COG5: variants seen among roughly 807,000 people sequenced by gnomAD.
The protein encoded by COG5 is conserved oligomeric Golgi complex subunit 5.
A neutral mutation model predicts 110.4 loss-of-function variants in COG5; 86 were observed. The observed-to-expected ratio is 0.78, with a 90% CI of 0.65 to 0.93. COG5 has a LOEUF of 0.93. COG5 is among the 40% of genes least tolerant of loss of function. COG5 has a pLI of 0.00. For missense variants in COG5, 1,077 were observed against 987.0 expected, an observed-to-expected ratio of 1.09 and a Z score of -1.22; for synonymous variants, 360 against 334.6, an observed-to-expected ratio of 1.08 and a Z score of -0.83.
chr7:107,349,417 G>T (rs78743954), intron 10 of COG5, among the ~76,000 whole-genome samples: 2 of 150,624 alleles, frequency 1.3e-5, no homozygotes. Flanking sequence ...TTTTTTTTTT[G>T]AGGCGGAGTC....
chr7:107,457,502 C>T (rs144289698), intron 6 of COG5, among the ~76,000 whole-genome samples: 2,764 of 152,176 alleles, frequency 0.018, 81 homozygotes, highest in African/African-American at 0.062. Context: ...AATCTCAGCT[C>T]ACTGCAAGCG....
At chr7:107,457,360 G>GAA (rs1491182439) in intron 6 of COG5, among the ~76,000 whole-genome samples, 1 of 133,568 alleles carries the variant, frequency 7.5e-6, no homozygotes, top group African/African-American at 2.8e-5. Flanking sequence ...AAGCTATGAG[G>GAA]AGAAAAAAAA....
intron 6 of COG5, among the ~76,000 whole-genome samples, chr7:107,511,258 T>C (rs1474733516): frequency 6.6e-6 from 1 of 152,156 alleles, no homozygotes; most frequent in African/African-American, 2.4e-5. Flanking sequence ...CACAGAATAC[T>C]ACAAACACCT....
At chr7:107,236,405 T>C in intron 18 of COG5, 45 bp downstream of exon 18, 6 of 1,366,534 alleles carry the variant, frequency 4.4e-6, no homozygotes, top group Non-Finnish European at 5.2e-6. Context: ...ATAGATGATA[T>C]TGAGGCCAAA....
At chr7:107,293,798 T>G (rs530898370) in intron 12 of COG5, among the ~76,000 whole-genome samples, 22 of 152,168 alleles carry the variant, frequency 1.4e-4, no homozygotes, top group African/African-American at 5.3e-4. Flanking sequence ...GATGGCAGGG[T>G]GCGGTGACTC....
intron 10 of COG5, among the ~76,000 whole-genome samples, chr7:107,330,355 A>C (rs1810133608): frequency 6.6e-6 from 1 of 152,252 alleles, no homozygotes; most frequent in African/African-American, 2.4e-5. Context: ...CAAAAGTAAA[A>C]TATACAAAAA....
At chr7:107,225,872 G>A (rs1209438791) in intron 19 of COG5, among the ~76,000 whole-genome samples, 9 of 151,978 alleles carry the variant, frequency 5.9e-5, no homozygotes, top group African/African-American at 1.7e-4. Flanking sequence ...GTGAAACCCC[G>A]TCTCTACTAA....
intron 19 of COG5, among the ~76,000 whole-genome samples, chr7:107,212,972 A>G (rs1452976898): frequency 6.6e-6 from 1 of 152,174 alleles, no homozygotes; most frequent in African/African-American, 2.4e-5. Context: ...AGTTGCTTTG[A>G]AGGAAGCCCA....
At chr7:107,218,158 A>T (rs1377892933) in intron 19 of COG5, among the ~76,000 whole-genome samples, 1 of 152,102 alleles carries the variant, frequency 6.6e-6, no homozygotes, top group East Asian at 1.9e-4. Context: ...TGGAAGTGAA[A>T]GATTTGTACA....
At chr7:107,321,101 T>C (rs1332940391) in intron 11 of COG5, among the ~76,000 whole-genome samples, 1 of 152,078 alleles carries the variant, frequency 6.6e-6, no homozygotes, top group African/African-American at 2.4e-5. Flanking sequence ...CAATAACTAC[T>C]AGAATAAGTA....
chr7:107,398,239 T>C (rs1791152625), intron 7 of COG5, among the ~76,000 whole-genome samples: 1 of 152,178 alleles, frequency 6.6e-6, no homozygotes, highest in South Asian at 2.1e-4. Flanking sequence ...ACAAGCAAAA[T>C]GTATATATCC....
At chr7:107,563,182 A>C (rs1431377858) in intron 1 of COG5, among the ~76,000 whole-genome samples, 1 of 152,178 alleles carries the variant, frequency 6.6e-6, no homozygotes, top group East Asian at 1.9e-4. Context: ...ACTTCTCTCC[A>C]AACTGACTAG....
chr7:107,266,821 G>A (rs1284325089), intron 14 of COG5, among the ~76,000 whole-genome samples: 1 of 152,158 alleles, frequency 6.6e-6, no homozygotes, highest in Non-Finnish European at 1.5e-5. Context: ...TAGCAGTTCA[G>A]AGAATGATTT....
At chr7:107,324,718 C>CA (rs1429741117) in intron 10 of COG5, among the ~76,000 whole-genome samples, 197 bp from the exon 11 acceptor site, 1 of 152,070 alleles carries the variant, frequency 6.6e-6, no homozygotes, top group Non-Finnish European at 1.5e-5. Flanking sequence ...TTCAAGTAGT[C>CA]AGTCATTCTT....
At chr7:107,222,203 C>G (rs1297055815) in intron 19 of COG5, among the ~76,000 whole-genome samples, 1 of 151,872 alleles carries the variant, frequency 6.6e-6, no homozygotes, top group Non-Finnish European at 1.5e-5. Context: ...ACCTGTCCCC[C>G]CCTTTTTTTT....
intron 19 of COG5, among the ~76,000 whole-genome samples, chr7:107,214,438 A>C (rs146428097): frequency 0.014 from 2,163 of 152,358 alleles, 25 homozygotes; most frequent in Non-Finnish European, 0.021. Flanking sequence ...CATCAGCAGT[A>C]GGCCTGCCTA....
intron 17 of COG5, among the ~76,000 whole-genome samples, chr7:107,237,796 C>G (rs901194070): frequency 6.6e-6 from 1 of 152,078 alleles, no homozygotes; most frequent in Non-Finnish European, 1.5e-5. Flanking sequence ...TGGAGTGGCG[C>G]TTGGGTACAG....
chr7:107,353,339 G>C (rs554842687), intron 10 of COG5, among the ~76,000 whole-genome samples: 17 of 149,054 alleles, frequency 1.1e-4, no homozygotes, highest in African/African-American at 2.9e-4. Context: ...GCAGGAGAAT[G>C]GCGTGAACCC....
rs201626650 is a variant in COG5 at position 107,298,127 on chromosome 7, A to G, written c.1313+15T>C. ...ATTAAGATGCCAACTAACAGGTCAA[A>G]TTAAACAAACATACTCATAATCTGG... On this transcript the variant is annotated intron_variant, in intron 12 of 21. Transcript: ENST00000297135. 22 of 1,438,336 alleles carry G rather than the reference A, an allele frequency of 1.5e-5. No individual in the cohort carries two copies. In the African/African-American group the frequency reaches 3.1e-4, roughly 20 times the overall value. The allele number at this position is 1,438,336 out of a possible 1,614,324, so 89.1% of individuals were successfully genotyped here. A position where few individuals can be genotyped will look rare whatever the true frequency, so the allele number is the denominator to read the frequency against.
Sources: gnomAD v4.1 joint callset for allele counts (sites outside exome capture counted in the v4.1 genomes callset) on GRCh38, gnomAD v4.1.1 for gene constraint, MANE v1.5 for transcripts, NCBI Gene and HGNC (gene_info 2026-07-23, HGNC 2026-07-21) for gene names.